Variants in ZNF780A observed in about 807,000 individuals in gnomAD.
ZNF780A encodes the protein zinc finger protein 780A.
ZNF780A carries 40 observed loss-of-function variants against 56.7 expected under a neutral mutation model. The observed-to-expected ratio is 0.71, with a 90% confidence interval of 0.55 to 0.92. The LOEUF (loss-of-function observed/expected upper bound fraction) is 0.92. ZNF780A is among the 40% of genes least tolerant of loss of function. ZNF780A has a pLI of 0.00. For missense variants in ZNF780A, 672 were observed against 783.3 expected (o/e 0.86, Z 1.70); for synonymous variants, 231 against 248.3 (o/e 0.93, Z 0.66).
At chr19:40,070,567 C>T (rs575314535), downstream of ZNF780A, 9 of 152,224 alleles carry the variant, frequency 5.9e-5, no homozygotes, top group South Asian at 2.1e-4. Context: ...TGAAAAGCAA[C>T]TAAAATTGAG....
Position 40,074,988 on chromosome 19 carries a change from C to T in ZNF780A, c.1454G>A (p.Gly485Asp). ...ACTCTGATGTTGAACAAGGCTTGAG[C>T]CACGATTGAAGGCCTTCCCACAGTC... Reference protein sequence around the residue: ...CQDCGKAFNRGSSLVQHQSIH... With the variant: ...CQDCGKAFNRDSSLVQHQSIH... The change falls in exon 6 of 6, where the codon GGC (glycine) becomes GAC (aspartate). Residue 485 changes from glycine to aspartate, a missense_variant. Coordinates refer to ENST00000683561, the MANE Select transcript of ZNF780A (RefSeq NM_001142578.2). 6.2e-7 allele frequency: 1 copy of T among 1,614,096 alleles called. No homozygotes were observed. Among genetic ancestry groups the T allele is most frequent in the South Asian group, 1.1e-5 (1 of 91,074 alleles).
At chr19:40,071,261 A>G (rs1038358534), downstream of ZNF780A, 4 of 152,188 alleles carry the variant, frequency 2.6e-5, no homozygotes, top group Non-Finnish European at 5.9e-5. Flanking sequence ...AAAAAAGTTA[A>G]TCTCTCTAAT....
intron 5 of ZNF780A, among the ~76,000 whole-genome samples, chr19:40,078,902 T>C (rs1160672622): frequency 6.6e-6 from 1 of 151,462 alleles, no homozygotes; most frequent in Non-Finnish European, 1.5e-5. Flanking sequence ...CAAACCACAA[T>C]GATGAAAAAT....
At chr19:40,081,068 G>A (rs1054256771) in intron 5 of ZNF780A, among the ~76,000 whole-genome samples, 2 of 151,798 alleles carry the variant, frequency 1.3e-5, no homozygotes, top group African/African-American at 2.4e-5. Flanking sequence ...AAGCATAGGC[G>A]GCAAAAACAA....
At chr19:40,087,218 T>C (rs1339655451) in intron 2 of ZNF780A, among the ~76,000 whole-genome samples, 1 of 152,176 alleles carries the variant, frequency 6.6e-6, no homozygotes, top group Non-Finnish European at 1.5e-5. Context: ...GATATCACAA[T>C]CTTTTGATTC....
At chr19:40,083,629 A>T (rs950987675) in intron 3 of ZNF780A, among the ~76,000 whole-genome samples, 3 of 143,702 alleles carry the variant, frequency 2.1e-5, no homozygotes, top group African/African-American at 7.8e-5. Flanking sequence ...ACGCCACTGC[A>T]CTCCAGCCTG....
chr19:40,084,662 T>C (rs185141738), intron 3 of ZNF780A, 83 bp downstream of exon 3: 2 of 1,397,578 alleles, frequency 1.4e-6, no homozygotes, highest in East Asian at 2.5e-5. Flanking sequence ...GAATTCTAGG[T>C]ACGAAGCTTC....
chr19:40,072,201 A>C (rs1415992369), downstream of ZNF780A: 4 of 231,286 alleles, frequency 1.7e-5, no homozygotes, highest in Admixed American at 1.2e-4. Context: ...ATGACATCGA[A>C]GGCACCCCTC....
At chr19:40,082,794 C>T (rs1974553298) in intron 4 of ZNF780A, among the ~76,000 whole-genome samples, 1 of 152,138 alleles carries the variant, frequency 6.6e-6, no homozygotes, top group South Asian at 2.1e-4. Flanking sequence ...ATTCTGAGAT[C>T]AAACATAATA....
downstream of ZNF780A, chr19:40,070,517 CAAT>C (rs1449305580): frequency 6.6e-6 from 1 of 152,036 alleles, no homozygotes; most frequent in African/African-American, 2.4e-5. Context: ...GAAGCAGCAA[CAAT>C]GTCAAAGAAT....
At chr19:40,089,750 G>A (rs1975037696) in intron 2 of ZNF780A, among the ~76,000 whole-genome samples, 1 of 152,046 alleles carries the variant, frequency 6.6e-6, no homozygotes, top group African/African-American at 2.4e-5. Flanking sequence ...CCTGGCTCTT[G>A]TTGATACCAA....
intron 3 of ZNF780A, 41 bp downstream of exon 3, chr19:40,084,704 A>G: frequency 1.3e-6 from 2 of 1,542,344 alleles, no homozygotes; most frequent in Non-Finnish European, 1.8e-6. Context: ...CTAACCTGAA[A>G]GTCACCATAT....
Position 40,074,651 on chromosome 19 carries a change from A to G in ZNF780A, c.1791T>C (p.His597=). The change falls in exon 6 of 6, where the codon CAT becomes CAC. Residue 597 remains histidine, a synonymous_variant. Transcript: ENST00000683561. The part of the protein sequence containing the change: ...CKECGKAFRL[H]MQLIRHQKLH... ...ATTTCTGATGTCGAATAAGTTGCAT[A>G]TGAAGTCGAAAGGCTTTCCCACACT... 4 of 1,613,604 alleles carry G rather than the reference A, an allele frequency of 2.5e-6. No individual in the cohort carries two copies. Among genetic ancestry groups the G allele is most frequent in the Non-Finnish European group, 3.4e-6 (4 of 1,179,706 alleles).
At chr19:40,072,839 A>C, downstream of ZNF780A, 1 of 1,528,746 alleles carries the variant, frequency 6.5e-7, no homozygotes, top group African/African-American at 1.4e-5. Flanking sequence ...ATACCTACCA[A>C]AATTTGAGCG....
At chr19:40,071,353 C>T (rs1008696641), downstream of ZNF780A, 2 of 152,040 alleles carry the variant, frequency 1.3e-5, no homozygotes, top group African/African-American at 4.8e-5. Flanking sequence ...AGCTCACATA[C>T]CAGCCATGAT....
At chr19:40,089,310 T>G in intron 2 of ZNF780A, 1 of 1,361,034 alleles carries the variant, frequency 7.3e-7, no homozygotes, top group Non-Finnish European at 9.6e-7. Flanking sequence ...TATCTGTCGA[T>G]TTAAAAAGAA....
chr19:40,089,322 G>T lies in ZNF780A; in HGVS notation c.-46+844C>A, dbSNP rs1418442615. The T allele has an allele frequency of 3.7e-6, 5 of 1,342,730 alleles. No homozygotes were observed. The African/African-American group carries it at 7.3e-5, about 20-fold the overall frequency. 83.2% of individuals were successfully genotyped at this position (1,342,730 alleles called of 1,614,324 possible). A position where few individuals can be genotyped will look rare whatever the true frequency, so the allele number is the denominator to read the frequency against. The stretch of plus-strand genomic sequence containing the variant: ...TTATATCTGTCGATTTAAAAAGAAA[G>T]AATTTCTGTCCTAGATCATTTGAGC... On this transcript the variant is annotated intron_variant, in intron 2 of 5. Coordinates refer to ENST00000683561, the MANE Select transcript of ZNF780A (RefSeq NM_001142578.2).
intron 2 of ZNF780A, chr19:40,089,269 T>C: frequency 7.0e-7 from 1 of 1,426,260 alleles, no homozygotes; most frequent in Non-Finnish European, 9.3e-7. Context: ...CCATAAAACT[T>C]CATGTTGCAC....
intron 5 of ZNF780A, among the ~76,000 whole-genome samples, chr19:40,076,911 C>T (rs534573160): frequency 6.6e-6 from 1 of 152,246 alleles, no homozygotes; most frequent in Admixed American, 6.5e-5. Flanking sequence ...CCCACCCAGC[C>T]CATCATAGTC....
Sources: gnomAD v4.1 joint callset for allele counts (sites outside exome capture counted in the v4.1 genomes callset) on GRCh38, gnomAD v4.1.1 for gene constraint, MANE v1.5 for transcripts, NCBI Gene and HGNC (gene_info 2026-07-23, HGNC 2026-07-21) for gene names.